The following ERICH6B variants were observed in gnomAD, a reference collection of about 807,000 sequenced individuals.
The protein encoded by ERICH6B is glutamate rich 6B.
Under a neutral mutation model 80.0 loss-of-function variants are expected in ERICH6B, and 69 were observed. The ratio of observed to expected loss-of-function variants is 0.86; its 90% CI spans 0.71 to 1.05. The LOEUF (loss-of-function observed/expected upper bound fraction) is 1.05. Among genes scored for constraint, ERICH6B ranks in the 50% least tolerant of loss-of-function variants. The pLI, the probability that ERICH6B is intolerant of heterozygous loss-of-function variation, is 0.00. For synonymous variants in ERICH6B, 283 were observed against 291.9 expected, an observed-to-expected ratio of 0.97 and a Z score of 0.31; for missense variants, 754 against 796.1, an observed-to-expected ratio of 0.95 and a Z score of 0.64.
chr13:45,574,810 G>C (rs775826297), intron 8 of ERICH6B, 32 bp downstream of exon 8: 15 of 1,421,898 alleles, frequency 1.1e-5, no homozygotes, highest in Admixed American at 2.0e-5. Context: ...GAGGAAGCTG[G>C]GGGGGGGGTC....
chr13:45,584,018 A>G (rs562695944), intron 5 of ERICH6B, among the ~76,000 whole-genome samples: 2 of 152,304 alleles, frequency 1.3e-5, no homozygotes, highest in Non-Finnish European at 2.9e-5. Context: ...TCCTACGAAG[A>G]CTGGTTTTTT....
At chr13:45,590,793 TA>T (rs755801199) in intron 3 of ERICH6B, 96 bp from the exon 4 acceptor site, 510 of 984,820 alleles carry the variant, frequency 5.2e-4, no homozygotes, top group Non-Finnish European at 6.7e-4. Context: ...GGGCCCTAGT[TA>T]TAGAAATTTT....
chr13:45,609,190 A>G (rs1176164554), intron 1 of ERICH6B, among the ~76,000 whole-genome samples: 1 of 152,234 alleles, frequency 6.6e-6, no homozygotes, highest in African/African-American at 2.4e-5. Context: ...GCTCCCAGCC[A>G]TCCTCCAGTG....
At chr13:45,550,438 C>A (rs1874175593) in intron 11 of ERICH6B, 122 bp from the exon 12 acceptor site, 4 of 723,670 alleles carry the variant, frequency 5.5e-6, no homozygotes, top group Non-Finnish European at 6.9e-6. Flanking sequence ...ACCTCATCAA[C>A]TTGCTGGGGA....
chr13:45,585,754 G>A (rs2138007980), intron 5 of ERICH6B, among the ~76,000 whole-genome samples: 1 of 152,294 alleles, frequency 6.6e-6, no homozygotes, highest in South Asian at 2.1e-4. Flanking sequence ...AGACATAGCT[G>A]CAAAATGTGC....
rs1298908186 is a variant in ERICH6B at position 45,544,030 on chromosome 13, C to A, written c.1872+730G>T. Reference sequence around the variant, plus strand: ...TCAGCATCCCAAGTAGCTGGGGCTACAGGTGCGAGAGCCACCATGCCCAGT... The same window carrying A: ...TCAGCATCCCAAGTAGCTGGGGCTAAAGGTGCGAGAGCCACCATGCCCAGT... On this transcript the variant is annotated intron_variant, in intron 14 of 14. Coordinates refer to ENST00000298738, the MANE Select transcript of ERICH6B (RefSeq NM_182542.3). 3.9e-5 allele frequency among the ~76,000 whole-genome samples: 6 copies of A among 152,296 alleles called. No homozygotes were observed. In the East Asian group the frequency reaches 1.2e-3, roughly 29 times the overall value.
At chr13:45,556,412 T>TC (rs772348116) in intron 11 of ERICH6B, among the ~76,000 whole-genome samples, 1 of 152,216 alleles carries the variant, frequency 6.6e-6, no homozygotes, top group Non-Finnish European at 1.5e-5. Flanking sequence ...TAATTTTTTT[T>TC]CCCATAGGTT....
chr13:45,550,060 A>C lies in ERICH6B; in HGVS notation c.1494-15T>G. 1 of 1,551,228 alleles carries C rather than the reference A, an allele frequency of 6.4e-7. No homozygotes were observed. The highest frequency in any genetic ancestry group is 8.7e-7 in the Non-Finnish European group (1 of 1,146,964). ...CTGATGGATAACTGGGAGAAGGTTA[A>C]GGCACAAGTAGTCAGTCCTTGGGGT... On this transcript the variant is annotated splice_polypyrimidine_tract_variant and intron_variant, in intron 12 of 14. Transcript: ENST00000298738.
At chr13:45,545,509 A>T (rs1354943976) in intron 13 of ERICH6B, among the ~76,000 whole-genome samples, 1 of 152,254 alleles carries the variant, frequency 6.6e-6, no homozygotes, top group East Asian at 1.9e-4. Context: ...CTCCTAGGGG[A>T]AATATGCACA....
At chr13:45,585,377 TTCTTTGTCCC>T (rs1875856475) in intron 5 of ERICH6B, among the ~76,000 whole-genome samples, 1 of 152,208 alleles carries the variant, frequency 6.6e-6, no homozygotes, top group African/African-American at 2.4e-5. Flanking sequence ...AATCTATTCA[TTCTTTGTCCC>T]TCTTTGTCAC....
intron 4 of ERICH6B, among the ~76,000 whole-genome samples, chr13:45,590,299 A>T (rs1876104797): frequency 6.6e-6 from 1 of 151,904 alleles, no homozygotes; most frequent in Admixed American, 6.6e-5. Context: ...TCCGGGACAG[A>T]CTACACCTTC....
At chr13:45,606,312 A>G (rs923772011) in intron 2 of ERICH6B, among the ~76,000 whole-genome samples, 2 of 151,684 alleles carry the variant, frequency 1.3e-5, no homozygotes, top group African/African-American at 4.8e-5. Context: ...AACAGATGTC[A>G]TATTTAATTT....
rs114544905 is a variant in ERICH6B, at chr13:45,610,202, G to T, written c.-110-2587C>A. Reference sequence around the variant, plus strand: ...GAACCTAAGATTGGCCTTTTGAGATGTCTTTTTCAGGTTTTTTTCATGTCT... The same window carrying T: ...GAACCTAAGATTGGCCTTTTGAGATTTCTTTTTCAGGTTTTTTTCATGTCT... On this transcript the variant is annotated intron_variant, in intron 1 of 14. Transcript: ENST00000298738. Among the ~76,000 whole-genome samples the T allele has an allele frequency of 2.2e-3, 333 of 152,198 alleles. 1 individual carries two copies. The highest frequency in any genetic ancestry group is 7.2e-3 in the African/African-American group (298 of 41,510).
intron 1 of ERICH6B, among the ~76,000 whole-genome samples, chr13:45,611,258 T>C (rs1008116550): frequency 3.3e-5 from 5 of 151,876 alleles, no homozygotes; most frequent in African/African-American, 1.2e-4. Flanking sequence ...CCAGGAAGAG[T>C]GCACAGTAAA....
chr13:45,561,619 T>A (rs1335817828), intron 10 of ERICH6B, 93 bp from the exon 11 acceptor site: 22 of 1,411,356 alleles, frequency 1.6e-5, no homozygotes, highest in Non-Finnish European at 1.9e-5. Context: ...CCAAAGGGAG[T>A]TTGAGGGTTT....
intron 3 of ERICH6B, among the ~76,000 whole-genome samples, chr13:45,595,364 T>C (rs976988760): frequency 6.6e-6 from 1 of 152,160 alleles, no homozygotes; most frequent in Admixed American, 6.5e-5. Flanking sequence ...TAATAGCATA[T>C]TGAATGTATA....
At chr13:45,574,090 CA>C (rs1875281979) in intron 8 of ERICH6B, among the ~76,000 whole-genome samples, 2 of 152,032 alleles carry the variant, frequency 1.3e-5, no homozygotes, top group African/African-American at 4.8e-5. Flanking sequence ...TAGTTTTTTG[CA>C]TTTTCTTTTA....
At chr13:45,606,543 A>AG (rs1949866369) in intron 2 of ERICH6B, among the ~76,000 whole-genome samples, 5 of 11,062 alleles carry the variant, frequency 4.5e-4, no homozygotes, top group African/African-American at 1.2e-3. Flanking sequence ...ATATATATAT[A>AG]TATATTTTTT....
chr13:45,564,737 T>C (rs1189799307), intron 9 of ERICH6B, among the ~76,000 whole-genome samples: 2 of 152,208 alleles, frequency 1.3e-5, no homozygotes, highest in East Asian at 3.8e-4. Context: ...ACCTAGCCTA[T>C]TGGCACCTGT....
Sources: gnomAD v4.1 joint callset for allele counts (sites outside exome capture counted in the v4.1 genomes callset) on GRCh38, gnomAD v4.1.1 for gene constraint, MANE v1.5 for transcripts, NCBI Gene and HGNC (gene_info 2026-07-23, HGNC 2026-07-21) for gene names.